DMXL1: variants seen among roughly 807,000 people sequenced by gnomAD.
DMXL1 encodes the protein Dmx like 1.
A neutral mutation model predicts 319.2 loss-of-function variants in DMXL1; 99 were observed. The ratio of observed to expected loss-of-function variants is 0.31; its 90% CI spans 0.26 to 0.37. The LOEUF (loss-of-function observed/expected upper bound fraction) is 0.37. Among genes scored for constraint, DMXL1 ranks in the 10% least tolerant of loss-of-function variants. The pLI is 1.00. For synonymous variants in DMXL1, 1,385 were observed against 1,235.2 expected (o/e 1.12, Z -2.54); for missense variants, 3,745 against 3,595.6 (o/e 1.04, Z -1.06).
chr5:119,185,316 G>A (rs1412565198), intron 28 of DMXL1, among the ~76,000 whole-genome samples: 2 of 151,922 alleles, frequency 1.3e-5, no homozygotes, highest in East Asian at 1.9e-4. Flanking sequence ...TACAACTACC[G>A]TGGAGACTCC....
chr5:119,157,787 A>C (rs1771429675), intron 19 of DMXL1, among the ~76,000 whole-genome samples: 1 of 151,788 alleles, frequency 6.6e-6, no homozygotes, highest in Non-Finnish European at 1.5e-5. Context: ...TCTCAAGTTT[A>C]CTTTGAGTAT....
At chr5:119,156,753 C>T (rs1171887132) in intron 19 of DMXL1, among the ~76,000 whole-genome samples, 2 of 151,778 alleles carry the variant, frequency 1.3e-5, no homozygotes, top group South Asian at 4.1e-4. Context: ...CCTTCATACC[C>T]TCTTCCATAA....
At chr5:119,143,335 A>G (rs1767836797) in intron 13 of DMXL1, among the ~76,000 whole-genome samples, 1 of 152,026 alleles carries the variant, frequency 6.6e-6, no homozygotes, top group Non-Finnish European at 1.5e-5. Flanking sequence ...AGGAGGAAGA[A>G]GGAATGATTA....
chr5:119,212,776 T>C (rs932058684), intron 34 of DMXL1, among the ~76,000 whole-genome samples: 4 of 152,192 alleles, frequency 2.6e-5, no homozygotes, highest in African/African-American at 9.6e-5. Flanking sequence ...TATAATGTTA[T>C]GTTGTGAGGC....
intron 23 of DMXL1, among the ~76,000 whole-genome samples, chr5:119,168,169 A>G (rs993633707): frequency 6.6e-6 from 1 of 152,200 alleles, no homozygotes; most frequent in South Asian, 2.1e-4. Flanking sequence ...TCTTAGGTTG[A>G]ATTTAGTGTG....
intron 1 of DMXL1, among the ~76,000 whole-genome samples, chr5:119,076,412 C>A (rs1750881435): frequency 6.7e-6 from 1 of 149,180 alleles, no homozygotes. Flanking sequence ...TTTTTTTTTT[C>A]TGAAAGGGGG....
intron 4 of DMXL1, among the ~76,000 whole-genome samples, chr5:119,108,620 A>C (rs1053736977): frequency 1.3e-5 from 2 of 151,986 alleles, no homozygotes; most frequent in African/African-American, 2.4e-5. Flanking sequence ...GGGTTTCACT[A>C]TGTTGCCCAG....
chr5:119,181,469 A>G (rs1776756650), intron 28 of DMXL1, among the ~76,000 whole-genome samples: 1 of 152,194 alleles, frequency 6.6e-6, no homozygotes, highest in Non-Finnish European at 1.5e-5. Flanking sequence ...AAAAAGGAAT[A>G]TATTCACTGA....
At chr5:119,107,913 G>C (rs1283486007) in intron 4 of DMXL1, among the ~76,000 whole-genome samples, 1 of 152,098 alleles carries the variant, frequency 6.6e-6, no homozygotes, top group South Asian at 2.1e-4. Flanking sequence ...TACAACAACT[G>C]TATTTAAACC....
At chr5:119,148,711 T>G in intron 17 of DMXL1, 28 bp from the exon 18 acceptor site, 1 of 1,579,142 alleles carries the variant, frequency 6.3e-7, no homozygotes, top group South Asian at 1.2e-5. Flanking sequence ...AAATTTGACA[T>G]TTTGTTAACG....
At chr5:119,157,505 G>A (rs975816585) in intron 19 of DMXL1, among the ~76,000 whole-genome samples, 7 of 152,196 alleles carry the variant, frequency 4.6e-5, no homozygotes, top group African/African-American at 1.7e-4. Context: ...TGTATATGGT[G>A]TAAGATAATG....
At chr5:119,184,643 C>T (rs1777373231) in intron 28 of DMXL1, among the ~76,000 whole-genome samples, 1 of 152,092 alleles carries the variant, frequency 6.6e-6, no homozygotes, top group Non-Finnish European at 1.5e-5. Context: ...TAAACAATTC[C>T]CCCACTTCAT....
chr5:119,071,731 C>T (rs1749617069), intron 1 of DMXL1, 75 bp downstream of exon 1: 2 of 1,375,250 alleles, frequency 1.5e-6, no homozygotes, highest in African/African-American at 1.5e-5. Context: ...TGGCCCAGAA[C>T]GACGGGCAGA....
chr5:119,203,336 C>T lies in DMXL1; in HGVS notation c.7763C>T (p.Ala2588Val), dbSNP rs200934891. Residue 2588 changes from alanine to valine, a missense_variant, in exon 33 of 44, where the codon GCA (alanine) becomes GTA (valine). By Grantham distance (64) the Ala-to-Val change is moderately conservative. This residue lies in a region of DMXL1 where 1,382 missense variants were observed against 1,269.5 expected (regional missense o/e 1.09). Transcript: ENST00000539542. ...NTPFKSKHHL[A>V]LSVKRLWQYL... ...CTCTGTAGATCCAAACACCATCTGG[C>T]ACTGTCTGTGAAGAGGCTTTGGCAG... 54 of 1,593,578 alleles carry T rather than the reference C, an allele frequency of 3.4e-5. No homozygotes were observed. In the African/African-American group the frequency reaches 6.8e-4, roughly 20 times the overall value.
intron 38 of DMXL1, among the ~76,000 whole-genome samples, chr5:119,228,560 A>T (rs1049660715): frequency 6.6e-6 from 1 of 152,202 alleles, no homozygotes; most frequent in Non-Finnish European, 1.5e-5. Flanking sequence ...ATAAGAAGGT[A>T]TCACCGTTAT....
At chr5:119,142,407 T>G (rs893621131) in intron 13 of DMXL1, among the ~76,000 whole-genome samples, 1 of 151,180 alleles carries the variant, frequency 6.6e-6, no homozygotes, top group African/African-American at 2.4e-5. Flanking sequence ...AAGACATACG[T>G]GTGGCAACAA....
At position 119,197,930 on chromosome 5, in the gene DMXL1, A is replaced by G; in HGVS notation, c.7719A>G (p.Leu2573=). ...AGPAILRHKA[L]LEPTNTPFKS... is the part of the protein sequence containing the mutation. ...CTGCAATTCTTCGCCACAAAGCTTT[A>G]CTGGAACCTACAAACACTCCTTTCA... The change falls in exon 32 of 44, where the codon TTA becomes TTG. Residue 2573 remains leucine, a synonymous_variant. Coordinates refer to ENST00000539542, the MANE Select transcript of DMXL1 (RefSeq NM_001290321.3). The G allele has an allele frequency of 6.2e-7, 1 of 1,614,176 alleles. No individual in the cohort carries two copies. Among genetic ancestry groups the G allele is most frequent in the Non-Finnish European group, 8.5e-7 (1 of 1,180,012 alleles).
Position 119,133,769 on chromosome 5 carries a change from T to G in DMXL1, c.1845T>G (p.Phe615Leu), listed in dbSNP as rs1561678663. Residue 615 changes from phenylalanine (F) to leucine (L), a missense_variant, in exon 12 of 44, where the codon TTT (phenylalanine) becomes TTG (leucine). Physicochemically the swap from Phe to Leu is conservative, Grantham distance 22. Transcript: ENST00000539542. ...CTCTGAATCAGTGGCTGGTCAGTTT[T>G]GCCGAGGAATCTGCTTTTTCTACTG... ...DGSLNQWLVS[F>L]AEESAFSTVL... is the part of the protein sequence containing the mutation. 1 of 1,614,244 alleles carries G rather than the reference T, an allele frequency of 6.2e-7. No homozygotes were observed. The highest frequency in any genetic ancestry group is 8.5e-7 in the Non-Finnish European group (1 of 1,180,038).
intron 1 of DMXL1, among the ~76,000 whole-genome samples, chr5:119,088,090 C>T (rs1365846579): frequency 2.0e-5 from 3 of 152,170 alleles, no homozygotes; most frequent in African/African-American, 7.2e-5. Flanking sequence ...GTGTGAGGCA[C>T]CAAGCCCAGC....
Sources: gnomAD v4.1 joint callset for allele counts (sites outside exome capture counted in the v4.1 genomes callset) on GRCh38, gnomAD v4.1.1 for gene constraint, gnomAD v4.1.1 regional missense constraint, MANE v1.5 for transcripts, NCBI Gene and HGNC (gene_info 2026-07-23, HGNC 2026-07-21) for gene names.